The following ITGAE variants were observed in gnomAD, a reference collection of about 807,000 sequenced individuals.
The protein encoded by ITGAE is integrin subunit alpha E.
Under a neutral mutation model 136.5 loss-of-function variants are expected in ITGAE, and 99 were observed. That is an observed-to-expected ratio of 0.73 (90% CI 0.62 to 0.86). The LOEUF (loss-of-function observed/expected upper bound fraction) is 0.86. ITGAE is among the 40% of genes least tolerant of loss of function. ITGAE has a pLI of 0.00. For synonymous variants in ITGAE, 613 were observed against 591.8 expected (o/e 1.04, Z -0.52); for missense variants, 1,447 against 1,515.3 (o/e 0.95, Z 0.75).
chr17:3,766,692 C>T (rs1187944477), intron 2 of ITGAE, among the ~76,000 whole-genome samples: 3 of 151,886 alleles, frequency 2.0e-5, no homozygotes, highest in Non-Finnish European at 4.4e-5. Flanking sequence ...ATCCCAGCTA[C>T]TCGGGAGGCT....
chr17:3,724,843 G>C, intron 26 of ITGAE: 2 of 1,614,118 alleles, frequency 1.2e-6, no homozygotes, highest in South Asian at 2.2e-5. Flanking sequence ...TGTCAAGAGA[G>C]AGGGCTTCAA....
intron 29 of ITGAE, 100 bp downstream of exon 29, chr17:3,720,207 A>C (rs989325181): frequency 6.2e-6 from 4 of 649,934 alleles, no homozygotes; most frequent in Non-Finnish European, 1.1e-5. Context: ...AGAAGTGTTA[A>C]GGCTGAAAAC....
At chr17:3,724,068 A>C in intron 26 of ITGAE, 1 of 1,597,188 alleles carries the variant, frequency 6.3e-7, no homozygotes, top group Non-Finnish European at 8.5e-7. Context: ...GCGTTTCTTC[A>C]ACAGCAGCGG....
chr17:3,763,306 G>GTTCATTCATTCA (rs55992020), intron 3 of ITGAE, among the ~76,000 whole-genome samples: 11,421 of 150,582 alleles, frequency 0.076, 1,139 homozygotes, highest in African/African-American at 0.23. Context: ...AGTGAATCAG[G>GTTCATTCATTCA]TTCATTCATT....
intron 2 of ITGAE, among the ~76,000 whole-genome samples, chr17:3,767,295 A>C (rs2052323468): frequency 6.6e-6 from 1 of 151,880 alleles, no homozygotes; most frequent in African/African-American, 2.4e-5. Flanking sequence ...TGGGGTTTTC[A>C]CCATGTTGGC....
At chr17:3,745,552 G>A (rs992087571) in intron 18 of ITGAE, among the ~76,000 whole-genome samples, 16 of 152,116 alleles carry the variant, frequency 1.1e-4, no homozygotes, top group African/African-American at 3.4e-4. Flanking sequence ...GTGTTGGCCC[G>A]GCTGGTCTCG....
chr17:3,731,491 A>G (rs2051342834), intron 22 of ITGAE, among the ~76,000 whole-genome samples: 2 of 151,392 alleles, frequency 1.3e-5, no homozygotes, highest in Non-Finnish European at 2.9e-5. Context: ...ACAGGCACGC[A>G]CCACCACGCC....
At chr17:3,788,020 C>G (rs932391926) in intron 1 of ITGAE, among the ~76,000 whole-genome samples, 1 of 152,040 alleles carries the variant, frequency 6.6e-6, no homozygotes, top group African/African-American at 2.4e-5. Context: ...TCTGAAGTCT[C>G]CTTACAAGAT....
At chr17:3,777,121 T>C (rs369541803) in intron 2 of ITGAE, among the ~76,000 whole-genome samples, 8 of 152,236 alleles carry the variant, frequency 5.3e-5, no homozygotes, top group East Asian at 1.9e-4. Context: ...CCTCCTCGCC[T>C]GGCTAATTTT....
At chr17:3,765,366 A>AC (rs1258052745) in intron 2 of ITGAE, among the ~76,000 whole-genome samples, 1 of 151,394 alleles carries the variant, frequency 6.6e-6, no homozygotes, top group East Asian at 1.9e-4. Context: ...AAAAAAAAAA[A>AC]AAAAGGTCAT....
chr17:3,756,761 T>C (rs984438596), intron 10 of ITGAE, among the ~76,000 whole-genome samples: 2 of 152,178 alleles, frequency 1.3e-5, no homozygotes, highest in Non-Finnish European at 2.9e-5. Flanking sequence ...CAGGCGGGTC[T>C]CAAACTCCTG....
At chr17:3,793,826 G>A (rs1306739297) in intron 1 of ITGAE, among the ~76,000 whole-genome samples, 1 of 152,094 alleles carries the variant, frequency 6.6e-6, no homozygotes, top group Non-Finnish European at 1.5e-5. Context: ...GATTACAGGT[G>A]TGAGCCACTG....
At chr17:3,796,428 ACTGAAGGACC>A (rs1204858315) in intron 1 of ITGAE, among the ~76,000 whole-genome samples, 1 of 152,128 alleles carries the variant, frequency 6.6e-6, no homozygotes, top group Non-Finnish European at 1.5e-5. Flanking sequence ...CCTTGGAGTC[ACTGAAGGACC>A]CTGGGCTTGG....
At chr17:3,751,168 C>G (rs902681860) in intron 15 of ITGAE, among the ~76,000 whole-genome samples, 1 of 151,794 alleles carries the variant, frequency 6.6e-6, no homozygotes, top group African/African-American at 2.4e-5. Flanking sequence ...GAGTGAGATG[C>G]CTGGGGGCCA....
At chr17:3,775,689 C>T (rs1443706795) in intron 2 of ITGAE, among the ~76,000 whole-genome samples, 2 of 151,586 alleles carry the variant, frequency 1.3e-5, no homozygotes, top group African/African-American at 2.4e-5. Context: ...GCCTAGGTCT[C>T]GAATTCCTGA....
intron 1 of ITGAE, among the ~76,000 whole-genome samples, chr17:3,789,487 CTT>C (rs2052885354): frequency 8.2e-6 from 1 of 122,510 alleles, no homozygotes; most frequent in Admixed American, 8.9e-5. Flanking sequence ...CCCTCTCTCT[CTT>C]TCCTTCTTTT....
rs1296921727 is a variant in ITGAE, at chr17:3,731,384, C to G, written c.2755-201G>C. On this transcript the variant is annotated intron_variant, in intron 22 of 30. Transcript: ENST00000263087. ...TGAGAGGGAGTCTCGCTCTGTCACC[C>G]AGGATGGAGTGCAATGGTGTGATCT... Among the ~76,000 whole-genome samples the G allele has an allele frequency of 2.0e-5, 3 of 149,654 alleles. No homozygotes were observed. The East Asian group carries it at 5.9e-4, about 29-fold the overall frequency.
chr17:3,780,546 C>A (rs2052644067), intron 1 of ITGAE, among the ~76,000 whole-genome samples: 2 of 152,290 alleles, frequency 1.3e-5, no homozygotes, highest in Admixed American at 1.3e-4. Context: ...GATCCGCCCA[C>A]CTCGGCCTCC....
intron 26 of ITGAE, chr17:3,725,106 C>T (rs1343017835): frequency 2.5e-5 from 41 of 1,614,158 alleles, no homozygotes; most frequent in Non-Finnish European, 3.5e-5. Context: ...CTTCAGTTTC[C>T]ACAAGAAGAA....
Sources: allele counts gnomAD v4.1 joint callset (sites outside exome capture counted in the v4.1 genomes callset), GRCh38; gene constraint gnomAD v4.1.1; transcripts MANE v1.5; gene names NCBI Gene and HGNC (gene_info 2026-07-23, HGNC 2026-07-21).